Variants in LMAN1 observed in about 807,000 individuals in gnomAD.
LMAN1 encodes the protein lectin, mannose binding 1.
A neutral mutation model predicts 67.8 loss-of-function variants in LMAN1; 32 were observed. The ratio of observed to expected loss-of-function variants is 0.47; its 90% CI spans 0.36 to 0.63. LMAN1 has a LOEUF of 0.63. LMAN1 is among the 30% of genes least tolerant of loss of function. LMAN1 has a pLI of 0.00. For synonymous variants in LMAN1, 235 were observed against 219.3 expected, an observed-to-expected ratio of 1.07 and a Z score of -0.63; for missense variants, 632 against 628.2, an observed-to-expected ratio of 1.01 and a Z score of -0.06.
chr18:59,353,191 AT>A lies in LMAN1; in HGVS notation c.639+10del, dbSNP rs1908583454. 1 of 1,585,766 alleles carries A rather than the reference AT, an allele frequency of 6.3e-7. No homozygotes were observed. Among genetic ancestry groups the A allele is most frequent in the African/African-American group, 1.3e-5 (1 of 74,378 alleles). ...TGTTTATTTGATTCTCTCTAAATAGATGTTACTTACTGTCAGTGTGTTCTGG... is the reference window on the plus strand; with the variant it reads ...TGTTTATTTGATTCTCTCTAAATAGAGTTACTTACTGTCAGTGTGTTCTGG... On this transcript the variant is annotated intron_variant, in intron 5 of 12. Transcript: ENST00000251047.
At chr18:59,358,931 G>GA in intron 1 of LMAN1, 100 bp downstream of exon 1, 1 of 1,216,610 alleles carries the variant, frequency 8.2e-7, no homozygotes. Flanking sequence ...GCAGCTGCTG[G>GA]AACGGGAACC....
intron 5 of LMAN1, among the ~76,000 whole-genome samples, chr18:59,349,511 C>CT (rs1474237756): frequency 6.6e-6 from 1 of 152,114 alleles, no homozygotes; most frequent in Admixed American, 6.5e-5. Flanking sequence ...TCAAGAAGAC[C>CT]TAGGGAGTCA....
At chr18:59,346,888 T>G (rs1908421546) in intron 7 of LMAN1, among the ~76,000 whole-genome samples, 2 of 152,072 alleles carry the variant, frequency 1.3e-5, no homozygotes, top group South Asian at 2.1e-4. Context: ...GTCTCAATCC[T>G]TCAATATCAT....
At chr18:59,347,789 T>A (rs1474984650) in intron 6 of LMAN1, among the ~76,000 whole-genome samples, 1 of 152,228 alleles carries the variant, frequency 6.6e-6, no homozygotes, top group African/African-American at 2.4e-5. Context: ...AAAACTCACT[T>A]TTTAAAACCC....
chr18:59,349,200 C>G lies in LMAN1; in HGVS notation c.676G>C (p.Asp226His). Residue 226 changes from aspartate to histidine, a missense_variant, in exon 6 of 13, where the codon GAT becomes CAT. Asp to His is a moderately conservative substitution (Grantham distance 81, BLOSUM62 -1). Transcript: ENST00000251047. ...INNGFTPDKN[D>H]YEFCAKVENM... ...TCCACTTTGGCACAAAATTCATAAT[C>G]ATTTTTATCTGGTGTAAAGCCATTA... 1 of 1,613,488 alleles carries G rather than the reference C, an allele frequency of 6.2e-7. No homozygotes were observed. Among genetic ancestry groups the G allele is most frequent in the East Asian group, 2.2e-5 (1 of 44,852 alleles).
chr18:59,349,314 C>T, intron 5 of LMAN1, 78 bp from the exon 6 acceptor site: 1 of 1,283,162 alleles, frequency 7.8e-7, no homozygotes, highest in Admixed American at 1.7e-5. Context: ...TTTATGACTA[C>T]TATTCAGTTT....
intron 8 of LMAN1, among the ~76,000 whole-genome samples, chr18:59,340,197 T>C (rs899194920): frequency 2.0e-5 from 3 of 152,164 alleles, no homozygotes; most frequent in Non-Finnish European, 2.9e-5. Flanking sequence ...GCTGCAGTTG[T>C]TGTCTGGCTA....
At chr18:59,343,626 T>G (rs1192119338) in intron 8 of LMAN1, among the ~76,000 whole-genome samples, 1 of 151,920 alleles carries the variant, frequency 6.6e-6, no homozygotes, top group African/African-American at 2.4e-5. Context: ...GGACCCATAC[T>G]TCTCACCATA....
In LMAN1 at chr18:59,349,015, A is replaced by G. The variant is rs1603395587; in HGVS notation, c.763+98T>C. On this transcript the variant is annotated intron_variant, in intron 6 of 12. Coordinates refer to ENST00000251047, the MANE Select transcript of LMAN1 (RefSeq NM_005570.4). ...ATGGGAAAGTTCCAAACAGTCTTAA[A>G]AAGTTATTAGTATAAACAAGTCTAC... is the stretch of plus-strand genomic sequence containing the variant. The G allele has an allele frequency of 3.7e-5, 52 of 1,422,346 alleles. No individual in the cohort carries two copies. In the East Asian group the frequency reaches 1.1e-3, roughly 29 times the overall value. 88.1% of individuals were successfully genotyped at this position (1,422,346 alleles called of 1,614,324 possible).
At chr18:59,357,154 C>A (rs552334275) in intron 1 of LMAN1, among the ~76,000 whole-genome samples, 1 of 152,254 alleles carries the variant, frequency 6.6e-6, no homozygotes, top group South Asian at 2.1e-4. Flanking sequence ...AGCAGAGATT[C>A]CCAGAGCCAG....
In LMAN1 at chr18:59,353,186, A is replaced by C. The variant is rs1908583133; in HGVS notation, c.639+16T>G. 13 of 1,575,314 alleles carry C rather than the reference A, an allele frequency of 8.3e-6. No homozygotes were observed. The East Asian group carries it at 2.9e-4, about 35-fold the overall frequency. ...AACATTGTTTATTTGATTCTCTCTA[A>C]ATAGATGTTACTTACTGTCAGTGTG... On this transcript the variant is annotated intron_variant, in intron 5 of 12. Coordinates refer to ENST00000251047, the MANE Select transcript of LMAN1 (RefSeq NM_005570.4).
intron 10 of LMAN1, among the ~76,000 whole-genome samples, chr18:59,337,775 T>C (rs1481817164): frequency 1.3e-5 from 2 of 152,216 alleles, no homozygotes; most frequent in Non-Finnish European, 2.9e-5. Flanking sequence ...TTTGCAGTTA[T>C]AAGTTAAGTG....
intron 7 of LMAN1, among the ~76,000 whole-genome samples, chr18:59,347,265 G>A (rs1305244025): frequency 1.4e-5 from 2 of 144,686 alleles, no homozygotes; most frequent in Non-Finnish European, 3.0e-5. Flanking sequence ...AGCTTGCAGA[G>A]AGCAGATATC....
intron 1 of LMAN1, among the ~76,000 whole-genome samples, chr18:59,357,612 G>A (rs1327692844): frequency 1.3e-5 from 2 of 152,098 alleles, no homozygotes; most frequent in Admixed American, 6.5e-5. Context: ...GCTGAGTAAC[G>A]AAATAACTGC....
Position 59,359,015 on chromosome 18 carries a change from C to G in LMAN1, c.214+16G>C, listed in dbSNP as rs1005503288. On this transcript the variant is annotated intron_variant, in intron 1 of 12. Coordinates refer to ENST00000251047, the MANE Select transcript of LMAN1 (RefSeq NM_005570.4). ...GGGGAGAGGAACCCGGCCCCCAGCC[C>G]TCTGCTCCGGCTTACTCCCCGCGTG... 6.2e-7 allele frequency: 1 copy of G among 1,612,496 alleles called. No homozygotes were observed. Among genetic ancestry groups the G allele is most frequent in the South Asian group, 1.1e-5 (1 of 91,066 alleles).
rs1264036135 is a variant in LMAN1 at position 59,329,487 on chromosome 18, G to GAAA, written c.*1603_*1605dup. On this transcript the variant is annotated 3_prime_UTR_variant, in exon 13 of 13. Coordinates refer to ENST00000251047, the MANE Select transcript of LMAN1 (RefSeq NM_005570.4). ...TAAATTCTGTGATGATGAAGCCTCT[G>GAAA]AAACATGAATTTCAAAATGTTAACA... 1.3e-5 allele frequency: 2 copies of GAAA among 152,046 alleles called. No homozygotes were observed. The highest frequency in any genetic ancestry group is 4.8e-5 in the African/African-American group (2 of 41,406). The allele number at this position is 152,046 out of a possible 1,614,324, so 9.4% of individuals were successfully genotyped here.
intron 10 of LMAN1, among the ~76,000 whole-genome samples, chr18:59,335,348 G>A (rs1031834901): frequency 1.3e-5 from 2 of 151,384 alleles, no homozygotes; most frequent in East Asian, 1.9e-4. Context: ...CAGAAGAATC[G>A]CATGAACCCA....
chr18:59,331,374 C>T, intron 12 of LMAN1, 44 bp downstream of exon 12: 1 of 1,551,240 alleles, frequency 6.4e-7, no homozygotes, highest in Non-Finnish European at 8.9e-7. Context: ...TCTAATTAAA[C>T]AGATGCAGAA....
intron 10 of LMAN1, among the ~76,000 whole-genome samples, chr18:59,334,963 G>T (rs1908108698): frequency 6.6e-6 from 1 of 152,092 alleles, no homozygotes; most frequent in African/African-American, 2.4e-5. Context: ...GTGGGAGTTT[G>T]CAAGGATTGT....
Sources: gnomAD v4.1 joint callset for allele counts (sites outside exome capture counted in the v4.1 genomes callset) on GRCh38, gnomAD v4.1.1 for gene constraint, MANE v1.5 for transcripts, NCBI Gene and HGNC (gene_info 2026-07-23, HGNC 2026-07-21) for gene names.